AGAP1: variants seen among roughly 807,000 people sequenced by gnomAD.
AGAP1 encodes ArfGAP with GTPase domain, ankyrin repeat and PH domain 1, also known as arf-GAP with GTPase, ANK repeat and PH domain-containing protein 1.
In AGAP1, 29 loss-of-function variants were observed where a neutral mutation model predicts 105.3. That is an observed-to-expected ratio of 0.28 (90% confidence interval 0.21 to 0.38). The LOEUF (loss-of-function observed/expected upper bound fraction) is 0.38. Among genes scored for constraint, AGAP1 ranks in the 10% least tolerant of loss-of-function variants. AGAP1 has a pLI of 1.00. For missense variants in AGAP1, 998 were observed against 1,165.1 expected, an observed-to-expected ratio of 0.86 and a Z score of 2.09; for synonymous variants, 509 against 485.9, an observed-to-expected ratio of 1.05 and a Z score of -0.63.
At position 235,963,948 on chromosome 2, in the gene AGAP1, C is replaced by T; in HGVS notation, c.1484-4514C>T. 6.6e-6 allele frequency among the ~76,000 whole-genome samples: 1 copy of T among 152,034 alleles called. No individual in the cohort carries two copies. Among genetic ancestry groups the T allele is most frequent in the South Asian group, 2.1e-4 (1 of 4,812 alleles). ...TGTCTTCGAAATAGCGGTGTACACT[C>T]ATAAAAACAACCGCTGGATAACGGA... is the stretch of plus-strand genomic sequence containing the variant. On this transcript the variant is annotated intron_variant, in intron 12 of 17. Transcript: ENST00000304032. This position sits in a 1 kb window ranked among gnomAD's most constrained non-coding sequence, Gnocchi z 5.1.
intron 1 of AGAP1, among the ~76,000 whole-genome samples, chr2:235,572,317 G>A (rs1300520605): frequency 6.6e-6 from 1 of 151,998 alleles, no homozygotes; most frequent in Non-Finnish European, 1.5e-5. Context: ...TTCAGGAGTG[G>A]TATTTGAGTG....
In AGAP1 at chr2:235,992,620, T is replaced by G. The variant is rs145483335; in HGVS notation, c.1645+23997T>G. Among the ~76,000 whole-genome samples the G allele has an allele frequency of 4.4e-3, 666 of 152,354 alleles. 6 individuals are homozygous for G. Among genetic ancestry groups the G allele is most frequent in the African/African-American group, 0.015 (639 of 41,572 alleles). On this transcript the variant is annotated intron_variant, in intron 13 of 17. Transcript: ENST00000304032. The surrounding 1 kb of genome is among the most constrained non-coding windows in gnomAD (Gnocchi z 4.8). ...TAAGAGATCACTTGTTATATTATGC[T>G]TTTTAAATGTTGAAGGCAATACTCA...
chr2:235,500,337 C>T (rs746539055), intron 1 of AGAP1, among the ~76,000 whole-genome samples: 51 of 151,936 alleles, frequency 3.4e-4, no homozygotes, highest in East Asian at 1.7e-3. Context: ...AACAGATTGC[C>T]GGCCCCTCCC....
intron 13 of AGAP1, among the ~76,000 whole-genome samples, chr2:236,015,277 C>T (rs553636272): frequency 6.6e-6 from 1 of 152,190 alleles, no homozygotes; most frequent in East Asian, 1.9e-4. Context: ...AATAGTGTGC[C>T]GTGACATTTA....
intron 1 of AGAP1, among the ~76,000 whole-genome samples, chr2:235,539,167 A>G (rs935499817): frequency 6.6e-6 from 1 of 152,254 alleles, no homozygotes; most frequent in African/African-American, 2.4e-5. Context: ...TGCTCTGCAC[A>G]CATGTGATTG....
Position 235,663,988 on chromosome 2 carries a change from G to T in AGAP1, c.164-45191G>T, listed in dbSNP as rs751318018. Among the ~76,000 whole-genome samples, 1 of 152,140 alleles carries T rather than the reference G, an allele frequency of 6.6e-6. No homozygotes were observed. The highest frequency in any genetic ancestry group is 1.5e-5 in the Non-Finnish European group (1 of 68,038). On this transcript the variant is annotated intron_variant, in intron 1 of 17. Coordinates refer to ENST00000304032, the MANE Select transcript of AGAP1 (RefSeq NM_001037131.3). This position sits in a 1 kb window ranked among gnomAD's most constrained non-coding sequence, Gnocchi z 5.4. ...CTTTGAGGCTGTCTGATAGACAGCT[G>T]CAGTGTTGTGTGTTACCCTTGACCG...
In AGAP1 at chr2:235,609,451, A is replaced by AC. The variant is rs1276537108; in HGVS notation, c.164-99728_164-99727insC. Among the ~76,000 whole-genome samples the AC allele has an allele frequency of 6.6e-6, 1 of 152,098 alleles. No individual in the cohort carries two copies. Among genetic ancestry groups the AC allele is most frequent in the African/African-American group, 2.4e-5 (1 of 41,428 alleles). ...GGGCACGATCATTCGAGATTCCAAG[A>AC]GGTAAGAACTGGGGGCTGGGCTGTG... On this transcript the variant is annotated intron_variant, in intron 1 of 17. Coordinates refer to ENST00000304032, the MANE Select transcript of AGAP1 (RefSeq NM_001037131.3). This position sits in a 1 kb window ranked among gnomAD's most constrained non-coding sequence, Gnocchi z 5.1.
Position 235,855,896 on chromosome 2 carries a change from A to G in AGAP1, c.1051-27449A>G, listed in dbSNP as rs2048665306. On this transcript the variant is annotated intron_variant, in intron 9 of 17. Coordinates refer to ENST00000304032, the MANE Select transcript of AGAP1 (RefSeq NM_001037131.3). This position sits in a 1 kb window ranked among gnomAD's most constrained non-coding sequence, Gnocchi z 5.0. ...CAGCCTTGTCTCAGAAGTACTGAGA[A>G]TATTATTATTATCATTATTATTATT... 6.6e-6 allele frequency among the ~76,000 whole-genome samples: 1 copy of G among 152,018 alleles called. No individual in the cohort carries two copies. The highest frequency in any genetic ancestry group is 6.6e-5 in the Admixed American group (1 of 15,262).
chr2:235,602,808 T>C (rs1945776689), intron 1 of AGAP1, among the ~76,000 whole-genome samples: 1 of 152,186 alleles, frequency 6.6e-6, no homozygotes, highest in South Asian at 2.1e-4. Flanking sequence ...TTCAAATGAT[T>C]CTTGTGCCTC....
chr2:235,746,118 T>C (rs562025861), intron 5 of AGAP1, among the ~76,000 whole-genome samples: 1 of 151,982 alleles, frequency 6.6e-6, no homozygotes, highest in East Asian at 2.0e-4. Flanking sequence ...AGAGTGAGAT[T>C]CTGTCTCAAA....
rs2149524637 is a variant in AGAP1 at position 235,712,229 on chromosome 2, A to G, written c.222+2992A>G. On this transcript the variant is annotated intron_variant, in intron 2 of 17. Transcript: ENST00000304032. This position sits in a 1 kb window ranked among gnomAD's most constrained non-coding sequence, Gnocchi z 6.0. ...TAGACAAGATTTTACCATGTTGGCC[A>G]GGCTATGCTCAAACTCCTGACCTCG... Among the ~76,000 whole-genome samples the G allele has an allele frequency of 6.6e-6, 1 of 152,300 alleles. No individual in the cohort carries two copies. The highest frequency in any genetic ancestry group is 1.5e-5 in the Non-Finnish European group (1 of 68,018).
chr2:235,792,156 C>CTT lies in AGAP1; in HGVS notation c.674-5603_674-5602insTT, dbSNP rs1453282136. Among the ~76,000 whole-genome samples, 3 of 152,158 alleles carry CTT rather than the reference C, an allele frequency of 2.0e-5. No homozygotes were observed. Among genetic ancestry groups the CTT allele is most frequent in the Admixed American group, 1.3e-4 (2 of 15,278 alleles). On this transcript the variant is annotated intron_variant, in intron 6 of 17. Transcript: ENST00000304032. The surrounding 1 kb of genome is among the most constrained non-coding windows in gnomAD (Gnocchi z 5.3). ...TCCAGCTTTCCCAGTAGCAGAGGAACCCTCTTCCCAAACGTGGGCTTGATT... is the reference window on the plus strand; with the variant it reads ...TCCAGCTTTCCCAGTAGCAGAGGAACTTCCTCTTCCCAAACGTGGGCTTGATT...
chr2:235,587,157 G>A (rs1270900000), intron 1 of AGAP1, among the ~76,000 whole-genome samples: 2 of 152,310 alleles, frequency 1.3e-5, no homozygotes, highest in African/African-American at 4.8e-5. Context: ...ATAGACTCAC[G>A]TTGATTTCAC....
chr2:235,686,427 A>G (rs1949382893), intron 1 of AGAP1, among the ~76,000 whole-genome samples: 3 of 151,392 alleles, frequency 2.0e-5, no homozygotes, highest in African/African-American at 7.3e-5. Flanking sequence ...CTCTAACATC[A>G]CCTGTATTAT....
At position 235,930,718 on chromosome 2, in the gene AGAP1, G is replaced by A. The variant is rs1233102248; in HGVS notation, c.1325-47G>A. On this transcript the variant is annotated intron_variant, in intron 11 of 17. Coordinates refer to ENST00000304032, the MANE Select transcript of AGAP1 (RefSeq NM_001037131.3). This position sits in a 1 kb window ranked among gnomAD's most constrained non-coding sequence, Gnocchi z 7.9. The stretch of plus-strand genomic sequence containing the variant: ...CATAGACTAACTCGCGCTGGTTTCT[G>A]TGGTCTGCAGTCCGCGGTGGTGTTC... The A allele has an allele frequency of 6.3e-7, 1 of 1,585,790 alleles. No individual in the cohort carries two copies. Among genetic ancestry groups the A allele is most frequent in the South Asian group, 1.2e-5 (1 of 86,642 alleles).
intron 15 of AGAP1, among the ~76,000 whole-genome samples, chr2:236,047,908 T>A (rs1004169678): frequency 9.9e-5 from 15 of 152,118 alleles, no homozygotes; most frequent in Non-Finnish European, 2.1e-4. Flanking sequence ...CCCAGCCTCT[T>A]CTCACATTTC....
chr2:235,965,169 G>A lies in AGAP1; in HGVS notation c.1484-3293G>A, dbSNP rs374066441. 5.1e-4 allele frequency among the ~76,000 whole-genome samples: 78 copies of A among 152,340 alleles called. No homozygotes were observed. Among genetic ancestry groups the A allele is most frequent in the African/African-American group, 1.9e-3 (78 of 41,576 alleles). On this transcript the variant is annotated intron_variant, in intron 12 of 17. Transcript: ENST00000304032. The surrounding 1 kb of genome is among the most constrained non-coding windows in gnomAD (Gnocchi z 5.8). ...GGCAGTTTCAAGGGTGAAGCCCAAG[G>A]TGATAGCAGAGAAAGCTGCCCGGAA...
rs549917598 is a variant in AGAP1, at chr2:235,728,079, C to T, written c.310+10435C>T. On this transcript the variant is annotated intron_variant, in intron 3 of 17. Transcript: ENST00000304032. This position sits in a 1 kb window ranked among gnomAD's most constrained non-coding sequence, Gnocchi z 4.3. ...CGTGTCTGCCCAGTGGGGGCCTGGA[C>T]ACTAAGTGCCACTTCTCTGCCCATG... 2.2e-4 allele frequency among the ~76,000 whole-genome samples: 33 copies of T among 152,338 alleles called. No homozygotes were observed. The highest frequency in any genetic ancestry group is 4.4e-4 in the Non-Finnish European group (30 of 68,042).
At chr2:235,704,925 A>G (rs967044067) in intron 1 of AGAP1, among the ~76,000 whole-genome samples, 6 of 141,032 alleles carry the variant, frequency 4.3e-5, no homozygotes, top group Admixed American at 2.2e-4. Context: ...GGGAAGGATC[A>G]TTACTATCAC....
Sources: allele counts gnomAD v4.1 joint callset (sites outside exome capture counted in the v4.1 genomes callset), GRCh38; gene constraint gnomAD v4.1.1; non-coding constraint Gnocchi (gnomAD v3.1); transcripts MANE v1.5; gene names NCBI Gene and HGNC (gene_info 2026-07-23, HGNC 2026-07-21).